MAP6: variants seen among roughly 807,000 people sequenced by gnomAD.
MAP6 encodes microtubule-associated protein 6.
Under a neutral mutation model 42.4 loss-of-function variants are expected in MAP6, and 26 were observed. That is an observed-to-expected ratio of 0.61 (90% CI 0.45 to 0.85). The LOEUF (loss-of-function observed/expected upper bound fraction) is 0.85. Ranked by LOEUF, MAP6 falls within the 40% of genes least tolerant of loss-of-function variation. The pLI, the probability that MAP6 is intolerant of heterozygous loss-of-function variation, is 0.00. For missense variants in MAP6, 966 were observed against 1,099.0 expected (o/e 0.88, Z 1.71); for synonymous variants, 418 against 443.8 (o/e 0.94, Z 0.73).
Position 75,605,882 on chromosome 11 carries a change from C to G in MAP6, c.1242G>C (p.Glu414Asp). 1 of 1,614,138 alleles carries G rather than the reference C, an allele frequency of 6.2e-7. No individual in the cohort carries two copies. Among genetic ancestry groups the G allele is most frequent in the Non-Finnish European group, 8.5e-7 (1 of 1,180,040 alleles). The change falls in exon 3 of 4, where the codon GAG becomes GAC. Residue 414 changes from glutamate (E) to aspartate (D), a missense_variant. By Grantham distance (45) the Glu-to-Asp change is conservative. Transcript: ENST00000304771. ...SGQAAKKKSA[E>D]GPSTTKPDDK... ...CGTCTGGCTTGGTGGTACTCGGGCCCTCCGCGCTCTTTTTCTTGGCAGCCT... is the reference window on the plus strand; with the variant it reads ...CGTCTGGCTTGGTGGTACTCGGGCCGTCCGCGCTCTTTTTCTTGGCAGCCT...
intron 1 of MAP6, among the ~76,000 whole-genome samples, chr11:75,663,501 G>T (rs1305406201): frequency 6.6e-6 from 1 of 152,078 alleles, no homozygotes; most frequent in Non-Finnish European, 1.5e-5. Context: ...AATCTATATG[G>T]CACCTAGGCT....
intron 3 of MAP6, among the ~76,000 whole-genome samples, chr11:75,595,264 ATCCC>A (rs1242446956): frequency 6.6e-6 from 1 of 152,138 alleles, no homozygotes; most frequent in Non-Finnish European, 1.5e-5. Flanking sequence ...CTCTGCACTG[ATCCC>A]TGTTTTGCAC....
chr11:75,622,108 G>C (rs12275088), intron 1 of MAP6, among the ~76,000 whole-genome samples: 2,711 of 152,062 alleles, frequency 0.018, 86 homozygotes, highest in African/African-American at 0.062. Flanking sequence ...CAAGATTGCT[G>C]GATGCTAGAT....
At chr11:75,645,487 C>G (rs969596699) in intron 1 of MAP6, among the ~76,000 whole-genome samples, 1 of 152,112 alleles carries the variant, frequency 6.6e-6, no homozygotes, top group African/African-American at 2.4e-5. Flanking sequence ...AAATGAACCC[C>G]AGACCAGTGA....
intron 1 of MAP6, among the ~76,000 whole-genome samples, chr11:75,655,137 T>A (rs1271554963): frequency 2.6e-5 from 4 of 152,230 alleles, no homozygotes; most frequent in Non-Finnish European, 5.9e-5. Flanking sequence ...TCATAGCCTA[T>A]AGTCCCAGCC....
intron 1 of MAP6, among the ~76,000 whole-genome samples, chr11:75,659,095 T>C (rs1943799295): frequency 6.6e-6 from 1 of 152,198 alleles, no homozygotes; most frequent in Non-Finnish European, 1.5e-5. Flanking sequence ...GAATGGAAAC[T>C]GAATGAAGAA....
chr11:75,649,683 C>A (rs1943616931), intron 1 of MAP6, among the ~76,000 whole-genome samples: 1 of 151,888 alleles, frequency 6.6e-6, no homozygotes, highest in Non-Finnish European at 1.5e-5. Context: ...GGATTACAGT[C>A]ACGCGCACCA....
chr11:75,638,387 G>T (rs551479974), intron 1 of MAP6: 1 of 152,176 alleles, frequency 6.6e-6, no homozygotes, highest in African/African-American at 2.4e-5. Flanking sequence ...TAAGGACTCC[G>T]CACTGCCCTT....
rs1565257711 is a variant in MAP6, at chr11:75,605,789, A to T, written c.1316+19T>A. 6 of 1,611,940 alleles carry T rather than the reference A, an allele frequency of 3.7e-6. No homozygotes were observed. The highest frequency in any genetic ancestry group is 5.1e-6 in the Non-Finnish European group (6 of 1,178,754). On this transcript the variant is annotated intron_variant, in intron 3 of 3. Transcript: ENST00000304771. ...GGGAGAGAGAGAGAAGAGTAAAAGG[A>T]AAGTGCAGGGAAATTTACTCTTTCG... is the stretch of plus-strand genomic sequence containing the variant.
At chr11:75,624,959 C>G (rs1006988997) in intron 1 of MAP6, among the ~76,000 whole-genome samples, 1 of 152,210 alleles carries the variant, frequency 6.6e-6, no homozygotes, top group Non-Finnish European at 1.5e-5. Flanking sequence ...AAGATGTGAA[C>G]TGGCCTCTAA....
chr11:75,661,490 A>G (rs1943844060), intron 1 of MAP6, among the ~76,000 whole-genome samples: 1 of 152,118 alleles, frequency 6.6e-6, no homozygotes. Context: ...ATATATTTTT[A>G]TCTAAACAAG....
intron 1 of MAP6, among the ~76,000 whole-genome samples, chr11:75,653,199 C>T (rs1943678676): frequency 6.6e-6 from 1 of 152,218 alleles, no homozygotes; most frequent in Admixed American, 6.5e-5. Flanking sequence ...TGGTTGAACT[C>T]TCTTCTGTGC....
intron 3 of MAP6, among the ~76,000 whole-genome samples, chr11:75,597,697 A>C (rs1942605694): frequency 6.6e-6 from 1 of 152,250 alleles, no homozygotes; most frequent in South Asian, 2.1e-4. Flanking sequence ...GGTTTCCTGC[A>C]TCCAGAGGGG....
intron 1 of MAP6, among the ~76,000 whole-genome samples, chr11:75,611,639 TAAAAG>T (rs1942899304): frequency 6.6e-6 from 1 of 152,160 alleles, no homozygotes; most frequent in Non-Finnish European, 1.5e-5. Flanking sequence ...AAATAAAAAA[TAAAAG>T]AAAAAGAACT....
chr11:75,654,568 G>T (rs972649108), intron 1 of MAP6, among the ~76,000 whole-genome samples: 2 of 152,146 alleles, frequency 1.3e-5, no homozygotes, highest in Non-Finnish European at 2.9e-5. Context: ...TAGGACAGTT[G>T]CTAGGTGTAA....
At chr11:75,651,670 T>C (rs1055401484) in intron 1 of MAP6, among the ~76,000 whole-genome samples, 2 of 152,226 alleles carry the variant, frequency 1.3e-5, no homozygotes, top group African/African-American at 4.8e-5. Context: ...TTATCCATTA[T>C]ATATAAAGAC....
intron 3 of MAP6, among the ~76,000 whole-genome samples, chr11:75,601,980 C>T (rs529247229): frequency 1.9e-4 from 29 of 152,064 alleles, no homozygotes; most frequent in Admixed American, 3.9e-4. Flanking sequence ...CCACTGTGAT[C>T]AGAGGCGGGG....
intron 1 of MAP6, among the ~76,000 whole-genome samples, chr11:75,651,192 G>A (rs1943640442): frequency 6.6e-6 from 1 of 152,172 alleles, no homozygotes; most frequent in Non-Finnish European, 1.5e-5. Context: ...CAACAAATAT[G>A]AATTGAATGA....
intron 3 of MAP6, chr11:75,605,468 G>A: frequency 7.5e-6 from 8 of 1,070,092 alleles, no homozygotes; most frequent in Non-Finnish European, 9.1e-6. Flanking sequence ...AGACCCCACA[G>A]ACACTTCCAA....
Sources: allele counts gnomAD v4.1 joint callset (sites outside exome capture counted in the v4.1 genomes callset), GRCh38; gene constraint gnomAD v4.1.1; transcripts MANE v1.5; gene names NCBI Gene and HGNC (gene_info 2026-07-23, HGNC 2026-07-21).